The following SEMA6D variants were observed in gnomAD, a reference collection of about 807,000 sequenced individuals.
The protein encoded by SEMA6D is semaphorin 6D.
In SEMA6D, 35 loss-of-function variants were observed where a neutral mutation model predicts 106.6. The observed-to-expected ratio is 0.33, with a 90% confidence interval of 0.25 to 0.44. The LOEUF is 0.44. SEMA6D is among the 20% of genes least tolerant of loss of function. SEMA6D has a pLI of 1.00. For missense variants in SEMA6D, 1,185 were observed against 1,345.9 expected (o/e 0.88, Z 1.87); for synonymous variants, 499 against 487.7 (o/e 1.02, Z -0.31).
At chr15:47,365,000 G>A (rs1299406211) in intron 1 of SEMA6D, among the ~76,000 whole-genome samples, 1 of 152,174 alleles carries the variant, frequency 6.6e-6, no homozygotes, top group East Asian at 1.9e-4. Flanking sequence ...TCAAGTACAA[G>A]CATCTGAGAG....
chr15:47,232,414 C>A (rs967942666), intron 1 of SEMA6D, among the ~76,000 whole-genome samples: 1 of 151,746 alleles, frequency 6.6e-6, no homozygotes, highest in Admixed American at 6.6e-5. Context: ...TTTTGAGGAA[C>A]TGTCAAAAGT....
rs1415730508 is a variant in SEMA6D, at chr15:47,762,416, T to C, written c.658+97T>C. 1.2e-5 allele frequency: 17 copies of C among 1,367,870 alleles called. No homozygotes were observed. The South Asian group carries it at 2.1e-4, about 17-fold the overall frequency. The allele number at this position is 1,367,870 out of a possible 1,614,324, so 84.7% of individuals were successfully genotyped here. On this transcript the variant is annotated intron_variant, in intron 8 of 18. Transcript: ENST00000536845. ...CATCAAGAGGTTCAGCGCATGACTT[T>C]ATATTGTTTATTTAGAACAAGTACA...
intron 4 of SEMA6D, among the ~76,000 whole-genome samples, chr15:47,706,384 T>C (rs2078912346): frequency 6.6e-6 from 1 of 152,354 alleles, no homozygotes; most frequent in Middle Eastern, 3.4e-3. Context: ...TAAATGTTTA[T>C]GGAGGGTAAT....
At chr15:47,564,970 C>T (rs1029715554) in intron 3 of SEMA6D, among the ~76,000 whole-genome samples, 1 of 152,152 alleles carries the variant, frequency 6.6e-6, no homozygotes, top group East Asian at 1.9e-4. Context: ...TTACCTATAT[C>T]CCCCATTCCC....
intron 1 of SEMA6D, among the ~76,000 whole-genome samples, chr15:47,266,179 A>G (rs895232702): frequency 2.6e-5 from 4 of 152,016 alleles, no homozygotes; most frequent in Admixed American, 1.3e-4. Flanking sequence ...TATCTCTCCA[A>G]TGAATCTCCT....
intron 4 of SEMA6D, among the ~76,000 whole-genome samples, chr15:47,615,393 CACAGAT>C (rs2076988515): frequency 6.6e-6 from 1 of 152,148 alleles, no homozygotes; most frequent in South Asian, 2.1e-4. Flanking sequence ...TAACCAATGG[CACAGAT>C]ACCAAGGATG....
intron 1 of SEMA6D, among the ~76,000 whole-genome samples, chr15:47,317,893 G>A (rs1371152741): frequency 6.6e-6 from 1 of 151,772 alleles, no homozygotes; most frequent in Non-Finnish European, 1.5e-5. Flanking sequence ...ATAATTTTGA[G>A]TTTGTCATTA....
chr15:47,386,568 G>A (rs540032323), intron 1 of SEMA6D, among the ~76,000 whole-genome samples: 6 of 152,250 alleles, frequency 3.9e-5, no homozygotes, highest in African/African-American at 9.6e-5. Flanking sequence ...CAAGGCCATC[G>A]GGGAGTCCTG....
chr15:47,563,856 A>T (rs1028508117), intron 3 of SEMA6D, among the ~76,000 whole-genome samples: 1 of 152,212 alleles, frequency 6.6e-6, no homozygotes, highest in African/African-American at 2.4e-5. Context: ...TGCCTTTCCC[A>T]AAGATAACTC....
rs2082355946 is a variant in SEMA6D at position 47,766,618 on chromosome 15, C to G, written c.1649C>G (p.Ala550Gly). 6.2e-7 allele frequency: 1 copy of G among 1,612,582 alleles called. No individual in the cohort carries two copies. The highest frequency in any genetic ancestry group is 1.3e-5 in the African/African-American group (1 of 74,792). The change falls in exon 16 of 19, where the codon GCT becomes GGT. Residue 550 changes from alanine to glycine, a missense_variant and splice_region_variant. This residue lies in a region of SEMA6D where 750 missense variants were observed against 783.5 expected (regional missense o/e 0.96). Transcript: ENST00000536845. ...SCGRVTPGML[A>G]EGYEQDTEFG... ...TTCTTTGCTTTCCATAACCACAGTG[C>G]TGAAGGATATGAACAAGACACAGAA... is the stretch of plus-strand genomic sequence containing the variant.
chr15:47,598,514 T>C lies in SEMA6D; in HGVS notation c.-86-2351T>C, dbSNP rs142701534. Among the ~76,000 whole-genome samples, 348 of 152,288 alleles carry C rather than the reference T, an allele frequency of 2.3e-3. 2 individuals are homozygous for C. Among genetic ancestry groups the C allele is most frequent in the African/African-American group, 8.1e-3 (335 of 41,558 alleles). Reference sequence around the variant, plus strand: ...GAATTAAGCAGACACCTTTGAATTATTCAAGCTGATGGTTAAAATAGCCCA... The same window carrying C: ...GAATTAAGCAGACACCTTTGAATTACTCAAGCTGATGGTTAAAATAGCCCA... On this transcript the variant is annotated intron_variant, in intron 3 of 19. Transcript: ENST00000558014.
chr15:47,708,156 A>C (rs2078948831), intron 4 of SEMA6D, among the ~76,000 whole-genome samples: 1 of 152,208 alleles, frequency 6.6e-6, no homozygotes, highest in Admixed American at 6.5e-5. Context: ...CTCACTCAAA[A>C]GCATTACAAT....
At chr15:47,763,379 G>A (rs28493558) in intron 9 of SEMA6D, among the ~76,000 whole-genome samples, 219 of 152,170 alleles carry the variant, frequency 1.4e-3, no homozygotes, top group African/African-American at 5.0e-3. Context: ...CTTGAGCTAC[G>A]GATGCTTTTT....
At chr15:47,352,342 T>G (rs1340834181) in intron 1 of SEMA6D, among the ~76,000 whole-genome samples, 3 of 152,238 alleles carry the variant, frequency 2.0e-5, no homozygotes, top group African/African-American at 7.2e-5. Flanking sequence ...GTGTTGAAGA[T>G]AAGATGTCTT....
chr15:47,452,032 C>A (rs1227445652), intron 2 of SEMA6D, among the ~76,000 whole-genome samples: 4 of 151,966 alleles, frequency 2.6e-5, no homozygotes, highest in Non-Finnish European at 4.4e-5. Context: ...GTGTTGGTAT[C>A]TTGTGTTGTT....
intron 4 of SEMA6D, among the ~76,000 whole-genome samples, chr15:47,606,634 G>A (rs932902991): frequency 1.3e-5 from 2 of 152,132 alleles, no homozygotes. Context: ...GTTGGAGGCT[G>A]GCTACACATC....
In SEMA6D at chr15:47,763,850, G is replaced by T. The variant is rs768687924; in HGVS notation, c.748G>T (p.Ala250Ser). The change falls in exon 10 of 19, where the codon GCT becomes TCT. Residue 250 changes from alanine (A) to serine (S), a missense_variant and splice_region_variant. By Grantham distance (99) the Ala-to-Ser change is moderately conservative. This residue lies in a region of SEMA6D where 291 missense variants were observed against 423.8 expected (regional missense o/e 0.69). Coordinates refer to ENST00000536845, the MANE Select transcript of SEMA6D (RefSeq NM_001358351.3). ...IAVEHNNLGK[A>S]VYSRVARICK... Reference sequence around the variant, plus strand: ...TGCTTTGCTTCTATCCGTTGGGCAGGCTGTGTATTCCCGCGTGGCCCGCAT... The same window carrying T: ...TGCTTTGCTTCTATCCGTTGGGCAGTCTGTGTATTCCCGCGTGGCCCGCAT... 1 of 1,612,534 alleles carries T rather than the reference G, an allele frequency of 6.2e-7. No individual in the cohort carries two copies. Among genetic ancestry groups the T allele is most frequent in the Non-Finnish European group, 8.5e-7 (1 of 1,179,696 alleles).
intron 1 of SEMA6D, among the ~76,000 whole-genome samples, chr15:47,372,713 A>G (rs74583033): frequency 0.017 from 2,522 of 152,278 alleles, 64 homozygotes; most frequent in African/African-American, 0.058. Context: ...CAGGTTCCAA[A>G]AGGGAAAGAA....
chr15:47,412,756 C>T (rs1020386720), intron 2 of SEMA6D, among the ~76,000 whole-genome samples: 2 of 152,044 alleles, frequency 1.3e-5, no homozygotes, highest in Non-Finnish European at 2.9e-5. Context: ...AATGAAACTA[C>T]GTGTATTCAG....
Sources: gnomAD v4.1 joint callset for allele counts (sites outside exome capture counted in the v4.1 genomes callset) on GRCh38, gnomAD v4.1.1 for gene constraint, gnomAD v4.1.1 regional missense constraint, MANE v1.5 for transcripts, NCBI Gene and HGNC (gene_info 2026-07-23, HGNC 2026-07-21) for gene names.